GOT2: variants seen among roughly 807,000 people sequenced by gnomAD.
GOT2 encodes glutamic-oxaloacetic transaminase 2, also known as aspartate aminotransferase, mitochondrial.
In GOT2, 17 loss-of-function variants were observed where a neutral mutation model predicts 50.0. The observed-to-expected ratio is 0.34, with a 90% CI of 0.23 to 0.51. The LOEUF (loss-of-function observed/expected upper bound fraction) is 0.51. Ranked by LOEUF, GOT2 falls within the 20% of genes least tolerant of loss-of-function variation. GOT2 has a pLI of 0.97. For missense variants in GOT2, 430 were observed against 559.6 expected (o/e 0.77, Z 2.34); for synonymous variants, 172 against 204.9 (o/e 0.84, Z 1.37).
chr16:58,727,023 G>A (rs796853246), intron 1 of GOT2, among the ~76,000 whole-genome samples: 2 of 152,100 alleles, frequency 1.3e-5, no homozygotes, highest in African/African-American at 4.8e-5. Flanking sequence ...GCAAGGTGGC[G>A]TGCGCCTTTA....
chr16:58,714,174 T>A (rs2044671376), intron 8 of GOT2, among the ~76,000 whole-genome samples: 1 of 152,082 alleles, frequency 6.6e-6, no homozygotes, highest in Non-Finnish European at 1.5e-5. Context: ...CCAAAATGCA[T>A]GCTGGGATTA....
intron 4 of GOT2, among the ~76,000 whole-genome samples, 166 bp downstream of exon 4, chr16:58,719,030 C>A (rs1398620693): frequency 6.6e-6 from 1 of 152,204 alleles, no homozygotes; most frequent in Admixed American, 6.5e-5. Context: ...ATATATCTTT[C>A]CTGTAATTTC....
intron 9 of GOT2, 78 bp from the exon 10 acceptor site, chr16:58,708,371 C>A (rs1213421867): frequency 9.7e-6 from 13 of 1,346,000 alleles, no homozygotes; most frequent in Non-Finnish European, 1.3e-5. Flanking sequence ...CAGTAGCCAA[C>A]TTACCAACGC....
intron 8 of GOT2, among the ~76,000 whole-genome samples, chr16:58,712,281 G>A (rs1199117041): frequency 6.6e-6 from 1 of 152,168 alleles, no homozygotes; most frequent in East Asian, 1.9e-4. Flanking sequence ...GGAGGCTGAG[G>A]TGGATGGATC....
chr16:58,720,534 C>G (rs888251775), intron 3 of GOT2, among the ~76,000 whole-genome samples: 24 of 151,678 alleles, frequency 1.6e-4, no homozygotes, highest in African/African-American at 5.8e-4. Context: ...AAATAAAAAC[C>G]TCACTGTAGG....
intron 8 of GOT2, among the ~76,000 whole-genome samples, chr16:58,712,284 G>C (rs903566248): frequency 2.6e-5 from 4 of 152,146 alleles, no homozygotes; most frequent in Non-Finnish European, 4.4e-5. Flanking sequence ...GGCTGAGGTG[G>C]ATGGATCCAT....
chr16:58,732,133 C>G (rs1327369451), intron 1 of GOT2, among the ~76,000 whole-genome samples: 1 of 152,132 alleles, frequency 6.6e-6, no homozygotes, highest in Non-Finnish European at 1.5e-5. Flanking sequence ...CAGGGAGACT[C>G]TGTCTCTACA....
intron 1 of GOT2, among the ~76,000 whole-genome samples, chr16:58,727,856 A>C (rs1437737719): frequency 6.6e-6 from 1 of 152,188 alleles, no homozygotes; most frequent in Non-Finnish European, 1.5e-5. Context: ...AGAATCGCTC[A>C]AGTTCTCCTA....
At chr16:58,711,922 C>A (rs925117388) in intron 8 of GOT2, among the ~76,000 whole-genome samples, 1 of 152,120 alleles carries the variant, frequency 6.6e-6, no homozygotes, top group African/African-American at 2.4e-5. Context: ...ACGATCTGCT[C>A]CACCTTCTCA....
chr16:58,721,637 C>G (rs2044740582), intron 3 of GOT2: 1 of 152,392 alleles, frequency 6.6e-6, no homozygotes, highest in African/African-American at 2.4e-5. Flanking sequence ...AGGATTACTA[C>G]TAGTACATTT....
At chr16:58,730,556 G>C (rs772198761) in intron 1 of GOT2, among the ~76,000 whole-genome samples, 1 of 151,972 alleles carries the variant, frequency 6.6e-6, no homozygotes, top group East Asian at 1.9e-4. Context: ...GTAGAGATGG[G>C]GTTGTGCCAT....
In GOT2 at chr16:58,708,580, A is replaced by C. The variant is rs537420724; in HGVS notation, c.1171-287T>G. On this transcript the variant is annotated intron_variant, in intron 9 of 9. Coordinates refer to ENST00000245206, the MANE Select transcript of GOT2 (RefSeq NM_002080.4). ...GCTGCAGTGAGCCGAGATTGCGCCA[A>C]TGCACTCCAGCCTGGGCGACACAGT... Among the ~76,000 whole-genome samples, 4 of 151,612 alleles carry C rather than the reference A, an allele frequency of 2.6e-5. No individual in the cohort carries two copies. In the South Asian group the frequency reaches 8.4e-4, roughly 32 times the overall value.
chr16:58,711,670 G>A (rs1168060224), intron 8 of GOT2, among the ~76,000 whole-genome samples: 1 of 152,186 alleles, frequency 6.6e-6, no homozygotes, highest in African/African-American at 2.4e-5. Context: ...CGATAGCACT[G>A]TATTAGCAAA....
intron 7 of GOT2, 37 bp from the exon 8 acceptor site, chr16:58,716,216 C>T: frequency 6.3e-7 from 1 of 1,591,384 alleles, no homozygotes; most frequent in Non-Finnish European, 8.6e-7. Flanking sequence ...TCTACTTCTA[C>T]TATCTAATGT....
At chr16:58,716,343 C>T in intron 7 of GOT2, 164 bp from the exon 8 acceptor site, 1 of 680,828 alleles carries the variant, frequency 1.5e-6, no homozygotes, top group Non-Finnish European at 2.4e-6. Context: ...AACTGAGGCA[C>T]AAGGAAGTTT....
intron 2 of GOT2, among the ~76,000 whole-genome samples, 184 bp downstream of exon 2, chr16:58,723,562 G>A (rs1369952092): frequency 6.6e-6 from 1 of 152,096 alleles, no homozygotes; most frequent in East Asian, 1.9e-4. Flanking sequence ...AAAACAGGTG[G>A]TTCCAACCTC....
chr16:58,709,498 C>G lies in GOT2; in HGVS notation c.1089G>C (p.Lys363Asn), dbSNP rs923125184. ...GMRTQLVSNL[K>N]KEGSTHNWQH... ...GCCAATTGTGGGTGGAACCCTCCTT[C>G]TTGAGGTTGGAGACCAGTTGAGTCC... The change falls in exon 9 of 10, where the codon AAG (lysine) becomes AAC (asparagine). Residue 363 changes from lysine to asparagine, a missense_variant. Physicochemically the swap from Lys to Asn is moderately conservative, Grantham distance 94. Transcript: ENST00000245206. 13 of 1,613,800 alleles carry G rather than the reference C, an allele frequency of 8.1e-6. No individual in the cohort carries two copies. The highest frequency in any genetic ancestry group is 1.1e-5 in the Non-Finnish European group (13 of 1,179,802).
chr16:58,718,156 C>T (rs750605648), intron 6 of GOT2, 40 bp downstream of exon 6: 1 of 1,402,714 alleles, frequency 7.1e-7, no homozygotes, highest in Non-Finnish European at 1.0e-6. Context: ...AAGCTGGTTA[C>T]TAAACACAGA....
At position 58,707,242 on chromosome 16, in the gene GOT2, C is replaced by G. The variant is rs1183140302; in HGVS notation, c.*929G>C. ...GGTGAAGCCTGAACCCAGCTAGCAG[C>G]ACGCAAAGCCTAGAATATCCTCTTT... On this transcript the variant is annotated 3_prime_UTR_variant, in exon 10 of 10. Transcript: ENST00000245206. The G allele has an allele frequency of 6.6e-6, 1 of 152,168 alleles. No homozygotes were observed. The highest frequency in any genetic ancestry group is 1.5e-5 in the Non-Finnish European group (1 of 68,060). 9.4% of individuals were successfully genotyped at this position (152,168 alleles called of 1,614,324 possible).
Sources: allele counts gnomAD v4.1 joint callset (sites outside exome capture counted in the v4.1 genomes callset), GRCh38; gene constraint gnomAD v4.1.1; transcripts MANE v1.5; gene names NCBI Gene and HGNC (gene_info 2026-07-23, HGNC 2026-07-21).